MKLN1: variants seen among roughly 807,000 people sequenced by gnomAD.
The protein encoded by MKLN1 is muskelin 1, also known as muskelin.
A neutral mutation model predicts 99.0 loss-of-function variants in MKLN1; 18 were observed. That is an observed-to-expected ratio of 0.18 (90% CI 0.13 to 0.27). MKLN1 has a LOEUF of 0.27. Among genes scored for constraint, MKLN1 ranks in the 10% least tolerant of loss-of-function variants. MKLN1 has a pLI of 1.00. For synonymous variants in MKLN1, 288 were observed against 293.2 expected, an observed-to-expected ratio of 0.98 and a Z score of 0.18; for missense variants, 621 against 875.9, an observed-to-expected ratio of 0.71 and a Z score of 3.67.
At chr7:131,170,148 A>T (rs1333281475) in intron 2 of MKLN1, among the ~76,000 whole-genome samples, 1 of 152,216 alleles carries the variant, frequency 6.6e-6, no homozygotes, top group Non-Finnish European at 1.5e-5. Context: ...AGACTTGAGG[A>T]GTCATAACAT....
chr7:131,137,775 A>G (rs1460502430), intron 1 of MKLN1, among the ~76,000 whole-genome samples: 3 of 151,936 alleles, frequency 2.0e-5, no homozygotes, highest in East Asian at 1.9e-4. Flanking sequence ...GGGTTTCACC[A>G]TGTTGGCCAG....
intron 3 of MKLN1, chr7:131,242,692 T>G: frequency 1.5e-6 from 1 of 646,706 alleles, no homozygotes; most frequent in Non-Finnish European, 2.9e-6. Context: ...GATGGTACCT[T>G]AGATCGCCCC....
intron 3 of MKLN1, among the ~76,000 whole-genome samples, chr7:131,321,002 CCATTGTGGAAGA>C (rs1352737691): frequency 1.1e-4 from 17 of 152,300 alleles, no homozygotes; most frequent in Admixed American, 3.3e-4. Flanking sequence ...ATTAATCCAA[CCATTGTGGAAGA>C]CAGTGTGGTG....
chr7:131,433,752 A>C (rs1264159167), intron 9 of MKLN1, among the ~76,000 whole-genome samples: 1 of 152,192 alleles, frequency 6.6e-6, no homozygotes, highest in African/African-American at 2.4e-5. Context: ...GCTTTATAGT[A>C]ATTCATGAAG....
intron 2 of MKLN1, among the ~76,000 whole-genome samples, chr7:131,178,515 T>C (rs1352128963): frequency 6.6e-6 from 1 of 152,060 alleles, no homozygotes; most frequent in Non-Finnish European, 1.5e-5. Flanking sequence ...CCAAATTAAA[T>C]TGAAGTTTTG....
chr7:131,356,297 C>T (rs894016667), intron 1 of MKLN1, among the ~76,000 whole-genome samples: 1 of 152,034 alleles, frequency 6.6e-6, no homozygotes, highest in Non-Finnish European at 1.5e-5. Flanking sequence ...TTCCCTAGCT[C>T]CGGCTGCAAC....
At chr7:131,389,254 C>A (rs941741197) in intron 4 of MKLN1, among the ~76,000 whole-genome samples, 1 of 151,978 alleles carries the variant, frequency 6.6e-6, no homozygotes, top group Non-Finnish European at 1.5e-5. Context: ...TACTAAGTGG[C>A]AGTTATTTCA....
At chr7:131,253,665 G>C (rs1214082458) in intron 3 of MKLN1, among the ~76,000 whole-genome samples, 2 of 152,188 alleles carry the variant, frequency 1.3e-5, no homozygotes, top group African/African-American at 4.8e-5. Flanking sequence ...CACAGTTCCA[G>C]AGCAGAGTCT....
chr7:131,228,493 C>G (rs888882573), intron 3 of MKLN1, among the ~76,000 whole-genome samples: 3 of 152,206 alleles, frequency 2.0e-5, no homozygotes, highest in Non-Finnish European at 4.4e-5. Flanking sequence ...TGGAGTCAGG[C>G]AGATTTGGGT....
At chr7:131,168,874 T>TG (rs1027920396) in intron 2 of MKLN1, among the ~76,000 whole-genome samples, 3 of 151,176 alleles carry the variant, frequency 2.0e-5, no homozygotes, top group Admixed American at 1.3e-4. Flanking sequence ...GTTTTCTTTT[T>TG]TTTTTTTTTT....
In MKLN1 at chr7:131,478,635, G is replaced by A; in HGVS notation, c.2044G>A (p.Ala682Thr). ...TTTTTTTAAACAGTTTCAGCTCCTG[G>A]CATCAGCTCTATTCAAATCTGGTTC... is the stretch of plus-strand genomic sequence containing the variant. The part of the protein sequence containing the change: ...PEETKEFQLL[A>T]SALFKSGSDF... The change falls in exon 17 of 18, where the codon GCA (alanine) becomes ACA (threonine). Residue 682 changes from alanine to threonine, a missense_variant. By Grantham distance (58) the Ala-to-Thr change is moderately conservative. This residue lies in a region of MKLN1 where 126 missense variants were observed against 157.4 expected (regional missense o/e 0.80). Coordinates refer to ENST00000352689, the MANE Select transcript of MKLN1 (RefSeq NM_013255.5). 1 of 1,413,316 alleles carries A rather than the reference G, an allele frequency of 7.1e-7. No homozygotes were observed. 87.5% of individuals were successfully genotyped at this position (1,413,316 alleles called of 1,614,324 possible).
intron 2 of MKLN1, among the ~76,000 whole-genome samples, chr7:131,191,304 T>G (rs528856299): frequency 6.6e-6 from 1 of 152,314 alleles, no homozygotes; most frequent in Admixed American, 6.5e-5. Flanking sequence ...CAGATTCAAG[T>G]TGGGGGCTTC....
chr7:131,237,083 C>T (rs1797333726), intron 3 of MKLN1, among the ~76,000 whole-genome samples: 1 of 152,132 alleles, frequency 6.6e-6, no homozygotes, highest in Non-Finnish European at 1.5e-5. Flanking sequence ...TATTTTTTGC[C>T]TATGCCTGAT....
intron 1 of MKLN1, among the ~76,000 whole-genome samples, chr7:131,121,602 GCACTC>G (rs1795371314): frequency 8.1e-6 from 1 of 124,128 alleles, no homozygotes; most frequent in Admixed American, 1.0e-4. Flanking sequence ...TCGCGCCACT[GCACTC>G]CAGCCTGAGT....
chr7:131,161,741 C>T (rs1266537447), intron 2 of MKLN1, among the ~76,000 whole-genome samples: 4 of 151,324 alleles, frequency 2.6e-5, no homozygotes, highest in South Asian at 2.1e-4. Context: ...TTAGTAGGGA[C>T]GGGGTTTCAC....
intron 3 of MKLN1, among the ~76,000 whole-genome samples, chr7:131,246,008 G>T (rs955220313): frequency 6.6e-6 from 1 of 152,212 alleles, no homozygotes; most frequent in African/African-American, 2.4e-5. Flanking sequence ...AGGTGCCCTA[G>T]GGCCGCACTT....
At chr7:131,223,229 G>T (rs1359226075) in intron 3 of MKLN1, among the ~76,000 whole-genome samples, 1 of 152,126 alleles carries the variant, frequency 6.6e-6, no homozygotes, top group Admixed American at 6.5e-5. Flanking sequence ...TTTTTAGATG[G>T]TTGGCTGGAG....
At chr7:131,303,307 C>T (rs907359631) in intron 3 of MKLN1, among the ~76,000 whole-genome samples, 6 of 152,212 alleles carry the variant, frequency 3.9e-5, no homozygotes, top group Non-Finnish European at 8.8e-5. Flanking sequence ...GCTGCCACCT[C>T]CTGGGAGAAG....
At chr7:131,131,449 C>T (rs1252326497) in intron 1 of MKLN1, among the ~76,000 whole-genome samples, 1 of 152,138 alleles carries the variant, frequency 6.6e-6, no homozygotes, top group African/African-American at 2.4e-5. Flanking sequence ...CACCACTTCC[C>T]AAGTACTTAT....
Sources: allele counts gnomAD v4.1 joint callset (sites outside exome capture counted in the v4.1 genomes callset), GRCh38; gene constraint gnomAD v4.1.1; regional missense constraint gnomAD v4.1.1; transcripts MANE v1.5; gene names NCBI Gene and HGNC (gene_info 2026-07-23, HGNC 2026-07-21).